Variants in IL17B observed in about 807,000 individuals in gnomAD.
IL17B encodes the protein interleukin-17B.
IL17B carries 14 observed loss-of-function variants against 14.7 expected under a neutral mutation model. That is an observed-to-expected ratio of 0.95 (90% CI 0.63 to 1.49). The LOEUF is 1.49. Among genes scored for constraint, IL17B ranks in the 40% most tolerant of loss-of-function variants. The pLI is 0.00. For missense variants in IL17B, 233 were observed against 252.8 expected (o/e 0.92, Z 0.53); for synonymous variants, 105 against 94.8 (o/e 1.11, Z -0.62).
At chr5:149,398,109 G>A (rs1312348959) in intron 1 of IL17B, among the ~76,000 whole-genome samples, 1 of 152,084 alleles carries the variant, frequency 6.6e-6, no homozygotes, top group Admixed American at 6.5e-5. Context: ...CTAAAATTAA[G>A]TCCATAAGTC....
chr5:149,386,886 A>C (rs1213002787), intron 1 of IL17B, among the ~76,000 whole-genome samples: 1 of 152,148 alleles, frequency 6.6e-6, no homozygotes, highest in Non-Finnish European at 1.5e-5. Context: ...TTGAATTTTT[A>C]GTACAGATAG....
Position 149,374,296 on chromosome 5 carries a change from A to T in IL17B, c.*73T>A. On this transcript the variant is annotated 3_prime_UTR_variant, in exon 3 of 3. Transcript: ENST00000261796. The surrounding 1 kb of genome is among the most constrained non-coding windows in gnomAD (Gnocchi z 5.0). The stretch of plus-strand genomic sequence containing the variant: ...TTTCAAAAGTCAGTGTTTACTTTTC[A>T]TAGGCCTTTCTTGGCACAAAGGTGC... 1 of 1,392,668 alleles carries T rather than the reference A, an allele frequency of 7.2e-7. No individual in the cohort carries two copies. The allele number at this position is 1,392,668 out of a possible 1,614,324, so 86.3% of individuals were successfully genotyped here. A position where few individuals can be genotyped will look rare whatever the true frequency, so the allele number is the denominator to read the frequency against.
At chr5:149,387,433 G>C (rs145194101) in intron 1 of IL17B, among the ~76,000 whole-genome samples, 1 of 152,158 alleles carries the variant, frequency 6.6e-6, no homozygotes, top group African/African-American at 2.4e-5. Context: ...TGACAATTGC[G>C]TGATGGTAAA....
upstream of IL17B, chr5:149,379,380 C>T (rs569241223): frequency 1.2e-4 from 100 of 829,212 alleles, no homozygotes; most frequent in African/African-American, 1.6e-3. Flanking sequence ...AGCTGGGAGC[C>T]TTGGGCCCCC....
chr5:149,403,672 T>C (rs1759257797), intron 1 of IL17B, among the ~76,000 whole-genome samples: 1 of 152,038 alleles, frequency 6.6e-6, no homozygotes, highest in African/African-American at 2.4e-5. Context: ...TAGGGACAGG[T>C]TGGGAGGTGA....
At chr5:149,393,523 G>A (rs2127621678) in intron 1 of IL17B, among the ~76,000 whole-genome samples, 1 of 152,286 alleles carries the variant, frequency 6.6e-6, no homozygotes, top group South Asian at 2.1e-4. Flanking sequence ...AAATACATGA[G>A]TGCGTTAATT....
At chr5:149,400,767 A>C (rs1404832700) in intron 1 of IL17B, among the ~76,000 whole-genome samples, 1 of 152,218 alleles carries the variant, frequency 6.6e-6, no homozygotes, top group African/African-American at 2.4e-5. Flanking sequence ...TGCTGGTATG[A>C]CTTAGTCCAG....
At chr5:149,399,856 A>G (rs1759173133) in intron 1 of IL17B, among the ~76,000 whole-genome samples, 1 of 152,192 alleles carries the variant, frequency 6.6e-6, no homozygotes, top group Non-Finnish European at 1.5e-5. Context: ...TGTTGGATTT[A>G]GGTCAGGGGT....
At chr5:149,384,614 A>G (rs1342180281) in intron 1 of IL17B, among the ~76,000 whole-genome samples, 1 of 152,176 alleles carries the variant, frequency 6.6e-6, no homozygotes, top group Non-Finnish European at 1.5e-5. Flanking sequence ...TATGTCCTTG[A>G]AAGAGAGGTG....
chr5:149,403,056 TTGTTTTGTTC>T (rs1412989472), intron 1 of IL17B, among the ~76,000 whole-genome samples: 7 of 132,638 alleles, frequency 5.3e-5, no homozygotes, highest in Admixed American at 1.5e-4. Context: ...AGTTTTTTGT[TTGTTTTGTTC>T]TGTTTTGTTT....
chr5:149,375,246 C>A (rs949523990), intron 2 of IL17B: 1 of 152,250 alleles, frequency 6.6e-6, no homozygotes, highest in African/African-American at 2.4e-5. Context: ...CATTGATGAA[C>A]AAAGCAGACA....
At chr5:149,398,588 C>G (rs962878886) in intron 1 of IL17B, among the ~76,000 whole-genome samples, 1 of 152,114 alleles carries the variant, frequency 6.6e-6, no homozygotes, top group African/African-American at 2.4e-5. Flanking sequence ...AAGACATACC[C>G]GAGACTGGGC....
chr5:149,381,895 G>A (rs887202690), upstream of IL17B, among the ~76,000 whole-genome samples: 25 of 152,192 alleles, frequency 1.6e-4, no homozygotes, highest in African/African-American at 5.5e-4. Context: ...CCCACCCCAC[G>A]AGTGAGGCTG....
At chr5:149,378,886 A>G (rs1758614245) in intron 1 of IL17B, among the ~76,000 whole-genome samples, 1 of 152,184 alleles carries the variant, frequency 6.6e-6, no homozygotes, top group South Asian at 2.1e-4. Context: ...GACTTGCCCA[A>G]GGTCACACAG....
chr5:149,400,483 T>C lies in IL17B; in HGVS notation n.95+3625A>G, dbSNP rs538041881. On this transcript the variant is annotated intron_variant and non_coding_transcript_variant, in intron 1 of 2. Coordinates refer to the IL17B transcript ENST00000505432. Reference sequence around the variant, plus strand: ...ATGGAGTGTTTGGTTACAGCAGCCCTGCCTGACTGACACAACCGGTCGCTG... The same window carrying C: ...ATGGAGTGTTTGGTTACAGCAGCCCCGCCTGACTGACACAACCGGTCGCTG... 2.6e-5 allele frequency among the ~76,000 whole-genome samples: 4 copies of C among 152,296 alleles called. No homozygotes were observed. The East Asian group carries it at 7.7e-4, about 29-fold the overall frequency.
upstream of IL17B, chr5:149,379,329 A>C: frequency 8.7e-6 from 12 of 1,376,108 alleles, no homozygotes; most frequent in South Asian, 1.2e-5. Context: ...TTATAGCTCA[A>C]CTGGGGGCTG....
upstream of IL17B, among the ~76,000 whole-genome samples, chr5:149,383,744 G>A (rs1758758687): frequency 6.6e-6 from 1 of 152,226 alleles, no homozygotes; most frequent in Non-Finnish European, 1.5e-5. Flanking sequence ...GTGAATGGGC[G>A]GCCTCTGGGG....
At chr5:149,385,312 G>A (rs544743867) in intron 1 of IL17B, among the ~76,000 whole-genome samples, 1 of 152,182 alleles carries the variant, frequency 6.6e-6, no homozygotes, top group East Asian at 2.0e-4. Flanking sequence ...CCAAGATCGT[G>A]CCATTGCACT....
rs927042699 is a variant in IL17B at position 149,374,801 on chromosome 5, A to G, written c.312-201T>C. On this transcript the variant is annotated intron_variant, in intron 2 of 2. Transcript: ENST00000261796. The surrounding 1 kb of genome is among the most constrained non-coding windows in gnomAD (Gnocchi z 5.0). ...CATGGAAGGCAAGTCGAGAGCCCCA[A>G]GGTTATCCAGCTTCAAGGTCACCAG... 1.6e-5 allele frequency: 9 copies of G among 545,890 alleles called. No homozygotes were observed. Among genetic ancestry groups the G allele is most frequent in the Non-Finnish European group, 2.6e-5 (8 of 306,716 alleles). The allele number at this position is 545,890 out of a possible 1,614,324, so 33.8% of individuals were successfully genotyped here.
Sources: allele counts gnomAD v4.1 joint callset (sites outside exome capture counted in the v4.1 genomes callset), GRCh38; gene constraint gnomAD v4.1.1; non-coding constraint Gnocchi (gnomAD v3.1); transcripts MANE v1.5; gene names NCBI Gene and HGNC (gene_info 2026-07-23, HGNC 2026-07-21).